SNX13: variants seen among roughly 807,000 people sequenced by gnomAD.
SNX13 encodes the protein sorting nexin-13.
Under a neutral mutation model 133.6 loss-of-function variants are expected in SNX13, and 45 were observed. The ratio of observed to expected loss-of-function variants is 0.34; its 90% CI spans 0.27 to 0.43. SNX13 has a LOEUF of 0.43. SNX13 is among the 20% of genes least tolerant of loss of function. The pLI, the probability that SNX13 is intolerant of heterozygous loss-of-function variation, is 1.00. For missense variants in SNX13, 1,032 were observed against 1,145.1 expected, an observed-to-expected ratio of 0.90 and a Z score of 1.43; for synonymous variants, 414 against 373.9, an observed-to-expected ratio of 1.11 and a Z score of -1.24.
chr7:17,933,557 A>G (rs529975927), intron 1 of SNX13, among the ~76,000 whole-genome samples: 614 of 152,110 alleles, frequency 4.0e-3, no homozygotes, highest in Non-Finnish European at 6.6e-3. Context: ...AAAAAAAAAA[A>G]AGAGAGAACT....
At position 17,839,897 on chromosome 7, in the gene SNX13, A is replaced by G. The variant is rs762933340; in HGVS notation, c.1269T>C (p.Arg423=). The G allele has an allele frequency of 2.7e-5, 44 of 1,611,992 alleles. No individual in the cohort carries two copies. Among genetic ancestry groups the G allele is most frequent in the Non-Finnish European group, 3.3e-5 (39 of 1,178,750 alleles). ...TGGTTTGATGTTTTCCATCTCTCTG[A>G]CGACTTAATAAAACTTCTAGCTGCT... ...AQQQLEVLLS[R]QRDGKHQTNQ... The change falls in exon 13 of 26, where the codon CGT becomes CGC. Residue 423 remains arginine (R), a synonymous_variant. Coordinates refer to ENST00000428135, the MANE Select transcript of SNX13 (RefSeq NM_015132.5).
chr7:17,805,730 T>C (rs1468202919), intron 20 of SNX13, among the ~76,000 whole-genome samples: 1 of 152,208 alleles, frequency 6.6e-6, no homozygotes, highest in Non-Finnish European at 1.5e-5. Context: ...CTACCATTGA[T>C]ACTCTAAGAG....
At chr7:17,801,448 G>T in intron 22 of SNX13, 140 bp downstream of exon 22, 1 of 646,232 alleles carries the variant, frequency 1.5e-6, no homozygotes, top group Non-Finnish European at 2.6e-6. Flanking sequence ...ACATGGGCAT[G>T]TTCAGTTTGT....
intron 25 of SNX13, chr7:17,795,560 A>G (rs1157479030): frequency 6.6e-6 from 1 of 151,716 alleles, no homozygotes; most frequent in Non-Finnish European, 1.5e-5. Context: ...ATTTTCCTGC[A>G]GTATCTTTCT....
At chr7:17,805,211 T>TTGTGTGTGTGTG (rs55946438) in intron 20 of SNX13, among the ~76,000 whole-genome samples, 2,610 of 118,272 alleles carry the variant, frequency 0.022, 57 homozygotes, top group African/African-American at 0.031. Context: ...TAATGATTCT[T>TTGTGTGTGTGTG]TGTGTGTGTG....
chr7:17,871,066 C>T (rs10282332), intron 8 of SNX13, among the ~76,000 whole-genome samples: 3,287 of 150,722 alleles, frequency 0.022, 121 homozygotes, highest in African/African-American at 0.074. Context: ...AGTGCAGTGG[C>T]GCGATCTCAG....
chr7:17,920,724 G>A (rs926815888), intron 1 of SNX13, among the ~76,000 whole-genome samples: 18 of 152,066 alleles, frequency 1.2e-4, no homozygotes, highest in African/African-American at 4.3e-4. Context: ...ATTTCACTTT[G>A]ATTCTCTATG....
chr7:17,825,898 A>G (rs1197581144), intron 17 of SNX13, 124 bp downstream of exon 17: 3 of 609,760 alleles, frequency 4.9e-6, no homozygotes, highest in African/African-American at 3.7e-5. Flanking sequence ...TGCTGCAGAA[A>G]AAAAGTAACA....
rs1244231502 is a variant in SNX13 at position 17,826,018 on chromosome 7, T to C, written c.1705+4A>G. The C allele has an allele frequency of 1.3e-6, 2 of 1,523,944 alleles. No individual in the cohort carries two copies. Among genetic ancestry groups the C allele is most frequent in the Non-Finnish European group, 8.9e-7 (1 of 1,126,032 alleles). 94.4% of individuals were successfully genotyped at this position (1,523,944 alleles called of 1,614,324 possible). A position where few individuals can be genotyped will look rare whatever the true frequency, so the allele number is the denominator to read the frequency against. The stretch of plus-strand genomic sequence containing the variant: ...TGCAATAATTATACTTCAAACTCTC[T>C]TACCTGTGTCTGAAATGTAGGCATG... On this transcript the variant is annotated splice_donor_region_variant and intron_variant, in intron 17 of 25. Coordinates refer to ENST00000428135, the MANE Select transcript of SNX13 (RefSeq NM_015132.5).
At chr7:17,844,129 G>T (rs1026321713) in intron 12 of SNX13, among the ~76,000 whole-genome samples, 1 of 151,904 alleles carries the variant, frequency 6.6e-6, no homozygotes. Context: ...GTCAATGAAA[G>T]CAATAGTTGA....
intron 20 of SNX13, among the ~76,000 whole-genome samples, chr7:17,808,401 G>A (rs1785574195): frequency 6.6e-6 from 1 of 152,102 alleles, no homozygotes; most frequent in Non-Finnish European, 1.5e-5. Context: ...GACAAGATTA[G>A]AGAAAAAAGA....
chr7:17,933,363 G>A (rs1421477053), intron 1 of SNX13, among the ~76,000 whole-genome samples: 1 of 152,056 alleles, frequency 6.6e-6, no homozygotes, highest in Non-Finnish European at 1.5e-5. Context: ...CTAACCTGGT[G>A]AAACCCCGTC....
chr7:17,802,372 G>A (rs975281146), intron 21 of SNX13, among the ~76,000 whole-genome samples: 1 of 152,068 alleles, frequency 6.6e-6, no homozygotes, highest in Non-Finnish European at 1.5e-5. Flanking sequence ...AAGAGCTTTT[G>A]ATATAGTATG....
At chr7:17,840,769 T>C (rs1453296783) in intron 12 of SNX13, among the ~76,000 whole-genome samples, 1 of 152,078 alleles carries the variant, frequency 6.6e-6, no homozygotes, top group Non-Finnish European at 1.5e-5. Context: ...TTCAATAATA[T>C]TTAAAATTCT....
At chr7:17,871,168 G>A (rs1435729319) in intron 8 of SNX13, among the ~76,000 whole-genome samples, 1 of 152,008 alleles carries the variant, frequency 6.6e-6, no homozygotes, top group African/African-American at 2.4e-5. Flanking sequence ...ACCATGCCCA[G>A]CTAATTTTTT....
chr7:17,937,103 T>C (rs1162721123), intron 1 of SNX13, among the ~76,000 whole-genome samples: 3 of 147,096 alleles, frequency 2.0e-5, no homozygotes, highest in Non-Finnish European at 4.5e-5. Context: ...CATACATAAA[T>C]ATGACTAGCA....
intron 9 of SNX13, among the ~76,000 whole-genome samples, chr7:17,866,985 ACT>A (rs1793476187): frequency 6.6e-6 from 1 of 152,184 alleles, no homozygotes; most frequent in Non-Finnish European, 1.5e-5. Flanking sequence ...AATATGTACA[ACT>A]CTTACATATC....
intron 1 of SNX13, among the ~76,000 whole-genome samples, chr7:17,918,561 A>G (rs1485446225): frequency 6.6e-6 from 1 of 152,224 alleles, no homozygotes; most frequent in African/African-American, 2.4e-5. Context: ...ATGAGGTATC[A>G]TCTCACATCA....
intron 13 of SNX13, among the ~76,000 whole-genome samples, chr7:17,837,894 A>C (rs1373836849): frequency 6.6e-6 from 1 of 151,730 alleles, no homozygotes; most frequent in Non-Finnish European, 1.5e-5. Context: ...TTTGCTCACT[A>C]TATGAGTTTT....
Sources: gnomAD v4.1 joint callset for allele counts (sites outside exome capture counted in the v4.1 genomes callset) on GRCh38, gnomAD v4.1.1 for gene constraint, MANE v1.5 for transcripts, NCBI Gene and HGNC (gene_info 2026-07-23, HGNC 2026-07-21) for gene names.